Variants in E2F3 observed in about 807,000 individuals in gnomAD.
E2F3 encodes transcription factor E2F3.
Under a neutral mutation model 44.4 loss-of-function variants are expected in E2F3, and 11 were observed. That is an observed-to-expected ratio of 0.25 (90% CI 0.16 to 0.41). The LOEUF is 0.41. Ranked by LOEUF, E2F3 falls within the 10% of genes least tolerant of loss-of-function variation. E2F3 has a pLI of 1.00. For synonymous variants in E2F3, 249 were observed against 253.0 expected (o/e 0.98, Z 0.15); for missense variants, 487 against 583.6 (o/e 0.83, Z 1.70).
intron 1 of E2F3, among the ~76,000 whole-genome samples, chr6:20,428,442 C>T (rs1170711361): frequency 6.6e-6 from 1 of 152,110 alleles, no homozygotes; most frequent in Non-Finnish European, 1.5e-5. Context: ...AGGCTGGTCT[C>T]GAACTCTTGA....
chr6:20,445,987 G>T (rs1170387806), intron 1 of E2F3, among the ~76,000 whole-genome samples: 1 of 152,190 alleles, frequency 6.6e-6, no homozygotes, highest in Non-Finnish European at 1.5e-5. Context: ...CACAGCCAGA[G>T]TCACTCAGAC....
intron 1 of E2F3, among the ~76,000 whole-genome samples, chr6:20,439,223 C>A (rs956440856): frequency 3.3e-5 from 5 of 152,072 alleles, no homozygotes; most frequent in Non-Finnish European, 7.4e-5. Context: ...GATTTTAGAA[C>A]CATCGAGGGA....
chr6:20,422,750 C>T (rs1028626455), intron 1 of E2F3, among the ~76,000 whole-genome samples: 5 of 152,164 alleles, frequency 3.3e-5, no homozygotes, highest in African/African-American at 1.2e-4. Context: ...GCATTCAGAA[C>T]ACGCACAATG....
intron 1 of E2F3, among the ~76,000 whole-genome samples, chr6:20,454,789 G>T (rs984030061): frequency 6.6e-6 from 1 of 152,152 alleles, no homozygotes; most frequent in Admixed American, 6.5e-5. Context: ...CGCCATAATG[G>T]TGCTTGTATT....
At chr6:20,481,899 C>T (rs1762236040) in intron 3 of E2F3, among the ~76,000 whole-genome samples, 1 of 152,090 alleles carries the variant, frequency 6.6e-6, no homozygotes, top group Non-Finnish European at 1.5e-5. Flanking sequence ...AACTCACTTT[C>T]TGGGTAAATT....
intron 5 of E2F3, 35 bp from the exon 6 acceptor site, chr6:20,488,078 C>T (rs369056847): frequency 2.6e-5 from 42 of 1,606,578 alleles, no homozygotes; most frequent in Non-Finnish European, 3.4e-5. Flanking sequence ...TCTAAAAGAA[C>T]TTCTGATTCG....
chr6:20,460,145 A>G (rs1761450330), intron 1 of E2F3, among the ~76,000 whole-genome samples: 1 of 152,178 alleles, frequency 6.6e-6, no homozygotes, highest in Non-Finnish European at 1.5e-5. Context: ...CTGTCTCAGA[A>G]CTTCTCACGG....
rs73732357 is a variant in E2F3, at chr6:20,486,604, T to G, written c.885-85T>G. 321 of 787,526 alleles carry G rather than the reference T, an allele frequency of 4.1e-4. No individual in the cohort carries two copies. The African/African-American group carries it at 5.0e-3, about 12-fold the overall frequency. The allele number at this position is 787,526 out of a possible 1,614,324, so 48.8% of individuals were successfully genotyped here. A position where few individuals can be genotyped will look rare whatever the true frequency, so the allele number is the denominator to read the frequency against. On this transcript the variant is annotated intron_variant, in intron 4 of 6. Coordinates refer to ENST00000346618, the MANE Select transcript of E2F3 (RefSeq NM_001949.5). ...CATACTTCTAAGTCATAAAATACTT[T>G]AAAATATTCCATGCATCTATTTTGT...
intron 1 of E2F3, among the ~76,000 whole-genome samples, chr6:20,436,476 CACAGAGAGAG>C (rs1429351311): frequency 1.6e-5 from 2 of 128,810 alleles, no homozygotes; most frequent in African/African-American, 5.8e-5. Flanking sequence ...CACACACACA[CACAGAGAGAG>C]AGAGAGAGAA....
intron 1 of E2F3, among the ~76,000 whole-genome samples, chr6:20,404,797 G>A (rs569339219): frequency 6.6e-6 from 1 of 152,122 alleles, no homozygotes; most frequent in Non-Finnish European, 1.5e-5. Flanking sequence ...AGCAGTATCC[G>A]GTGTGCTGGG....
chr6:20,404,430 A>G (rs1476095697), intron 1 of E2F3, among the ~76,000 whole-genome samples: 1 of 152,200 alleles, frequency 6.6e-6, no homozygotes, highest in African/African-American at 2.4e-5. Context: ...CCACGGGGCT[A>G]GAACCGAACC....
At chr6:20,452,993 T>C (rs201242447) in intron 1 of E2F3, among the ~76,000 whole-genome samples, 1 of 1,832 alleles carries the variant, frequency 5.5e-4, no homozygotes, top group Admixed American at 0.01. Context: ...TTCTTTCTTT[T>C]TGTTTGTTTG....
In E2F3 at chr6:20,490,508, C is replaced by G; in HGVS notation, c.*78C>G. On this transcript the variant is annotated 3_prime_UTR_variant, in exon 7 of 7. Transcript: ENST00000346618. This position sits in a 1 kb window ranked among gnomAD's most constrained non-coding sequence, Gnocchi z 4.3. ...CAGAACATCTGTCATGCAGTGTTGT[C>G]CCTTCCTACCTTCTTCCTCCAAGAG... 2 of 1,378,496 alleles carry G rather than the reference C, an allele frequency of 1.5e-6. No individual in the cohort carries two copies. Among genetic ancestry groups the G allele is most frequent in the Non-Finnish European group, 1.9e-6 (2 of 1,028,114 alleles). 85.4% of individuals were successfully genotyped at this position (1,378,496 alleles called of 1,614,324 possible).
intron 1 of E2F3, among the ~76,000 whole-genome samples, chr6:20,436,832 A>C (rs189404894): frequency 6.6e-6 from 1 of 152,268 alleles, no homozygotes; most frequent in East Asian, 1.9e-4. Context: ...ACTTTTTAAA[A>C]CATCAGGCCA....
At chr6:20,466,423 G>A (rs1398740716) in intron 1 of E2F3, among the ~76,000 whole-genome samples, 2 of 151,992 alleles carry the variant, frequency 1.3e-5, no homozygotes, top group Non-Finnish European at 2.9e-5. Context: ...ATTATTTTTT[G>A]ATGTTTTGAT....
chr6:20,429,827 T>G (rs1483403324), intron 1 of E2F3, among the ~76,000 whole-genome samples: 1 of 152,148 alleles, frequency 6.6e-6, no homozygotes, highest in Non-Finnish European at 1.5e-5. Context: ...AATTGCTCTT[T>G]TTTATGCAAA....
chr6:20,435,974 CTTTTTTTTTTTT>C (rs68162662), intron 1 of E2F3, among the ~76,000 whole-genome samples: 86 of 140,432 alleles, frequency 6.1e-4, no homozygotes, highest in Admixed American at 1.5e-3. Flanking sequence ...AAGAATTGTC[CTTTTTTTTTTTT>C]TTTTTTTTTT....
chr6:20,466,388 C>T (rs143050948), intron 1 of E2F3, among the ~76,000 whole-genome samples: 81 of 152,278 alleles, frequency 5.3e-4, no homozygotes, highest in African/African-American at 1.9e-3. Flanking sequence ...GCTGGCATTA[C>T]AGGTGTGAGC....
chr6:20,485,556 G>A (rs1468291726), intron 4 of E2F3, among the ~76,000 whole-genome samples: 1 of 152,160 alleles, frequency 6.6e-6, no homozygotes, highest in African/African-American at 2.4e-5. Context: ...TCCAGCCTGG[G>A]TGACAGAGCA....
Sources: gnomAD v4.1 joint callset for allele counts (sites outside exome capture counted in the v4.1 genomes callset) on GRCh38, gnomAD v4.1.1 for gene constraint, Gnocchi (gnomAD v3.1) non-coding constraint, MANE v1.5 for transcripts, NCBI Gene and HGNC (gene_info 2026-07-23, HGNC 2026-07-21) for gene names.